ESR1: variants seen among roughly 807,000 people sequenced by gnomAD.
The protein encoded by ESR1 is estrogen receptor 1, also known as estrogen receptor.
In ESR1, 12 loss-of-function variants were observed where a neutral mutation model predicts 52.7. The observed-to-expected ratio is 0.23, with a 90% CI of 0.15 to 0.37. The LOEUF is 0.37. Among genes scored for constraint, ESR1 ranks in the 10% least tolerant of loss-of-function variants. ESR1 has a pLI of 1.00. For missense variants in ESR1, 584 were observed against 779.7 expected, an observed-to-expected ratio of 0.75 and a Z score of 2.99; for synonymous variants, 305 against 316.8, an observed-to-expected ratio of 0.96 and a Z score of 0.39.
chr6:151,762,353 C>G (rs1366858632), intron 2 of ESR1, among the ~76,000 whole-genome samples: 1 of 152,152 alleles, frequency 6.6e-6, no homozygotes, highest in Admixed American at 6.5e-5. Context: ...CATGCTGAAA[C>G]TGTTATAGGC....
chr6:152,074,877 G>A (rs932751447), intron 6 of ESR1, among the ~76,000 whole-genome samples: 3 of 152,170 alleles, frequency 2.0e-5, no homozygotes, highest in Admixed American at 2.0e-4. Context: ...TTTGCCATCT[G>A]TGTGTCTTCT....
chr6:151,920,293 C>T (rs1774574595), intron 3 of ESR1, among the ~76,000 whole-genome samples: 1 of 143,230 alleles, frequency 7.0e-6, no homozygotes, highest in African/African-American at 2.8e-5. Context: ...ACTTCTTGCC[C>T]TTGACTGCTT....
intron 5 of ESR1, among the ~76,000 whole-genome samples, chr6:152,057,048 T>C (rs6940499): frequency 0.019 from 2,847 of 152,228 alleles, 89 homozygotes; most frequent in African/African-American, 0.065. Context: ...GATTTGCCCC[T>C]TGAAGTTAGT....
intron 3 of ESR1, among the ~76,000 whole-genome samples, chr6:151,906,457 A>G (rs1357985585): frequency 7.9e-5 from 12 of 151,884 alleles, no homozygotes; most frequent in African/African-American, 1.9e-4. Context: ...TTCTTAAGAC[A>G]TTTTTAATAT....
At chr6:151,974,435 C>G (rs184711612) in intron 4 of ESR1, among the ~76,000 whole-genome samples, 1 of 152,178 alleles carries the variant, frequency 6.6e-6, no homozygotes, top group South Asian at 2.1e-4. Flanking sequence ...CACTGAAACA[C>G]GTGGTCTGAT....
chr6:151,815,507 T>C (rs548564303), intron 1 of ESR1, among the ~76,000 whole-genome samples: 1 of 152,260 alleles, frequency 6.6e-6, no homozygotes, highest in African/African-American at 2.4e-5. Flanking sequence ...ATCAGGGACA[T>C]GGTTTGCTTC....
intron 3 of ESR1, among the ~76,000 whole-genome samples, chr6:151,887,282 G>C (rs1193220547): frequency 6.6e-6 from 1 of 151,712 alleles, no homozygotes; most frequent in Admixed American, 6.6e-5. Context: ...GAGACTGGTT[G>C]TTTTAAGCAG....
chr6:151,981,519 A>C (rs726282), intron 4 of ESR1, among the ~76,000 whole-genome samples: 135,700 of 152,222 alleles, frequency 0.89, 60,841 homozygotes, highest in Middle Eastern at 0.95. Context: ...TTGCTATATT[A>C]TTTTTCTTCT....
chr6:151,711,476 C>T (rs919299196), intron 2 of ESR1, among the ~76,000 whole-genome samples: 2 of 152,180 alleles, frequency 1.3e-5, no homozygotes, highest in African/African-American at 4.8e-5. Context: ...CTGCCTTGGC[C>T]TCCCAAAGTG....
At chr6:151,722,157 G>A (rs1299082943) in intron 2 of ESR1, among the ~76,000 whole-genome samples, 5 of 152,228 alleles carry the variant, frequency 3.3e-5, no homozygotes, top group African/African-American at 7.2e-5. Flanking sequence ...GCCCCTGAAC[G>A]AGGGATCAGT....
chr6:151,854,436 G>A (rs770666177), intron 2 of ESR1, among the ~76,000 whole-genome samples: 4 of 152,202 alleles, frequency 2.6e-5, no homozygotes, highest in Non-Finnish European at 4.4e-5. Flanking sequence ...TCCTTTAGCG[G>A]AAATAAAAAG....
Position 152,094,703 on chromosome 6 carries a change from C to G in ESR1, c.1553+135C>G. On this transcript the variant is annotated intron_variant, in intron 7 of 7. Coordinates refer to ENST00000206249, the MANE Select transcript of ESR1 (RefSeq NM_000125.4). This position sits in a 1 kb window ranked among gnomAD's most constrained non-coding sequence, Gnocchi z 4.6. ...GTGACAGTTCCTGGCATAGAATAAG[C>G]ATAAATGCTATAGGAGGACAGAAGA... 1 of 815,410 alleles carries G rather than the reference C, an allele frequency of 1.2e-6. No individual in the cohort carries two copies. Among genetic ancestry groups the G allele is most frequent in the South Asian group, 1.5e-5 (1 of 67,202 alleles). 50.5% of individuals were successfully genotyped at this position (815,410 alleles called of 1,614,324 possible). A position where few individuals can be genotyped will look rare whatever the true frequency, so the allele number is the denominator to read the frequency against.
At chr6:151,877,750 G>A (rs1792094302) in intron 2 of ESR1, among the ~76,000 whole-genome samples, 1 of 152,008 alleles carries the variant, frequency 6.6e-6, no homozygotes, top group South Asian at 2.1e-4. Context: ...GTAATATTTG[G>A]TTTGAATGGT....
chr6:151,820,478 T>C (rs1780384097), intron 1 of ESR1, among the ~76,000 whole-genome samples: 1 of 152,162 alleles, frequency 6.6e-6, no homozygotes, highest in South Asian at 2.1e-4. Context: ...TTATTCTCAT[T>C]TTATGGGACG....
intron 6 of ESR1, among the ~76,000 whole-genome samples, chr6:152,093,684 T>TA (rs915328602): frequency 1.3e-5 from 2 of 152,136 alleles, no homozygotes; most frequent in Non-Finnish European, 2.9e-5. Flanking sequence ...TATGTGGCCG[T>TA]AAAAAACAGC....
upstream of ESR1, among the ~76,000 whole-genome samples, chr6:151,806,540 A>ATATATATATATATATATG (rs1777890827): frequency 7.1e-6 from 1 of 140,072 alleles, no homozygotes; most frequent in Admixed American, 7.1e-5. Context: ...GTATATATAT[A>ATATATATATATATATATG]TATATATATA....
At chr6:151,827,370 A>T (rs972086660) in intron 1 of ESR1, among the ~76,000 whole-genome samples, 1 of 151,466 alleles carries the variant, frequency 6.6e-6, no homozygotes, top group Non-Finnish European at 1.5e-5. Flanking sequence ...GAAAAAGAAA[A>T]AAGAAAAAAA....
intron 1 of ESR1, among the ~76,000 whole-genome samples, chr6:151,697,387 T>C (rs993231393): frequency 2.6e-5 from 4 of 152,206 alleles, no homozygotes; most frequent in African/African-American, 7.2e-5. Flanking sequence ...AGCTGCAAGC[T>C]TGGTGCCCCA....
At chr6:151,978,827 C>T (rs1050758483) in intron 4 of ESR1, among the ~76,000 whole-genome samples, 2 of 152,094 alleles carry the variant, frequency 1.3e-5, no homozygotes, top group Non-Finnish European at 2.9e-5. Flanking sequence ...TCCCTTATAA[C>T]AAATATCACT....
Sources: gnomAD v4.1 joint callset for allele counts (sites outside exome capture counted in the v4.1 genomes callset) on GRCh38, gnomAD v4.1.1 for gene constraint, Gnocchi (gnomAD v3.1) non-coding constraint, MANE v1.5 for transcripts, NCBI Gene and HGNC (gene_info 2026-07-23, HGNC 2026-07-21) for gene names.